Variants in SH3TC1 observed in about 807,000 individuals in gnomAD.
The protein encoded by SH3TC1 is SH3 domain and tetratricopeptide repeat-containing protein 1.
SH3TC1 carries 135 observed loss-of-function variants against 117.3 expected under a neutral mutation model. The ratio of observed to expected loss-of-function variants is 1.15; its 90% CI spans 1.00 to 1.33. The LOEUF is 1.33. Ranked by LOEUF, SH3TC1 falls within the 40% of genes most tolerant of loss-of-function variation. SH3TC1 has a pLI of 0.00. For synonymous variants in SH3TC1, 898 were observed against 816.9 expected (o/e 1.10, Z -1.69); for missense variants, 2,092 against 1,794.3 (o/e 1.17, Z -3.00).
chr4:8,204,155 C>G (rs1369510652), intron 1 of SH3TC1, among the ~76,000 whole-genome samples: 2 of 152,214 alleles, frequency 1.3e-5, no homozygotes, highest in Admixed American at 1.3e-4. Flanking sequence ...CATGCCCTGC[C>G]TGCAGAGGGG....
chr4:8,207,764 A>G (rs1357363437), intron 2 of SH3TC1, among the ~76,000 whole-genome samples: 1 of 152,208 alleles, frequency 6.6e-6, no homozygotes, highest in Non-Finnish European at 1.5e-5. Context: ...TTTCTGGGAC[A>G]TGAGATATTC....
chr4:8,234,085 T>A (rs1245368327), intron 14 of SH3TC1, among the ~76,000 whole-genome samples: 3 of 151,002 alleles, frequency 2.0e-5, no homozygotes, highest in Non-Finnish European at 1.5e-5. Flanking sequence ...TATTCATCCA[T>A]CATTCCATCA....
chr4:8,238,780 T>C (rs1462074845), intron 17 of SH3TC1, among the ~76,000 whole-genome samples: 1 of 152,128 alleles, frequency 6.6e-6, no homozygotes, highest in African/African-American at 2.4e-5. Flanking sequence ...TTATCTCTCT[T>C]AGTCATGCCT....
chr4:8,218,532 G>C (rs551774383), intron 8 of SH3TC1, among the ~76,000 whole-genome samples, 185 bp downstream of exon 8: 1 of 152,190 alleles, frequency 6.6e-6, no homozygotes, highest in Non-Finnish European at 1.5e-5. Flanking sequence ...TGTACCAACC[G>C]AGTCTTCTCC....
chr4:8,227,320 C>A lies in SH3TC1; in HGVS notation c.1626C>A (p.Arg542=), dbSNP rs1366693246. Residue 542 remains arginine (R), a synonymous_variant, in exon 12 of 18, where the codon CGC becomes CGA. Transcript: ENST00000245105. ...SFSDEEELTG[R]LAQARGAAKK... Reference sequence around the variant, plus strand: ...GCGACGAGGAGGAGCTGACTGGGCGCCTGGCACAGGCCCGGGGGGCGGCCA... The same window carrying A: ...GCGACGAGGAGGAGCTGACTGGGCGACTGGCACAGGCCCGGGGGGCGGCCA... The A allele has an allele frequency of 6.2e-6, 10 of 1,610,064 alleles. No individual in the cohort carries two copies. The highest frequency in any genetic ancestry group is 7.6e-6 in the Non-Finnish European group (9 of 1,178,900).
chr4:8,217,698 C>T (rs781409359), intron 7 of SH3TC1, among the ~76,000 whole-genome samples: 3 of 152,214 alleles, frequency 2.0e-5, no homozygotes, highest in Non-Finnish European at 2.9e-5. Flanking sequence ...ATTACTGAGA[C>T]CCAAGAGGAG....
chr4:8,218,352 G>A lies in SH3TC1; in HGVS notation c.916+5G>A, dbSNP rs777207892. 1.6e-5 allele frequency: 26 copies of A among 1,604,982 alleles called. No homozygotes were observed. The Admixed American group carries it at 2.0e-4, about 12-fold the overall frequency. On this transcript the variant is annotated splice_donor_5th_base_variant and intron_variant, in intron 8 of 17. Coordinates refer to ENST00000245105, the MANE Select transcript of SH3TC1 (RefSeq NM_018986.5). Reference sequence around the variant, plus strand: ...TGCCCGGCAACCCGCTGATGGGTAAGTGTTTCCATGGGCCTCTCTTTTTTG... The same window carrying A: ...TGCCCGGCAACCCGCTGATGGGTAAATGTTTCCATGGGCCTCTCTTTTTTG...
intron 4 of SH3TC1, 48 bp from the exon 5 acceptor site, chr4:8,214,426 GC>G: frequency 6.5e-7 from 1 of 1,540,192 alleles, no homozygotes. Context: ...CCTGACAGAT[GC>G]CCCAGAGCTC....
intron 13 of SH3TC1, 34 bp downstream of exon 13, chr4:8,232,190 G>A: frequency 1.4e-5 from 5 of 369,564 alleles, no homozygotes; most frequent in African/African-American, 4.6e-5. Flanking sequence ...GGGGGCGGGG[G>A]GAGGGGGCAA....
chr4:8,234,019 ATCATCCATCCATCCATTCATCCATCAT>A (rs1473094567), intron 14 of SH3TC1, among the ~76,000 whole-genome samples: 1 of 120,606 alleles, frequency 8.3e-6, no homozygotes, highest in East Asian at 2.5e-4. Context: ...TTATCCATCC[ATCATCCATCCATCCATTCATCCATCAT>A]TCATCCATCC....
rs115879071 is a variant in SH3TC1, at chr4:8,218,106, C to G, written c.840-165C>G. ...CGCACGGGGCCTGAAGGCCACACAC[C>G]TGGGCAGGCATGTGTGTGTGTGTGT... On this transcript the variant is annotated intron_variant, in intron 7 of 17. Coordinates refer to ENST00000245105, the MANE Select transcript of SH3TC1 (RefSeq NM_018986.5). The G allele has an allele frequency of 4.0e-3, 2,015 of 500,760 alleles. 15 individuals carry two copies. The highest frequency in any genetic ancestry group is 0.018 in the South Asian group (533 of 29,732). The allele number at this position is 500,760 out of a possible 1,614,324, so 31.0% of individuals were successfully genotyped here.
intron 14 of SH3TC1, among the ~76,000 whole-genome samples, chr4:8,234,458 T>TAC (rs1200231245): frequency 2.7e-5 from 4 of 148,978 alleles, no homozygotes; most frequent in Non-Finnish European, 5.9e-5. Context: ...CACCCATACA[T>TAC]ACACACATCA....
intron 1 of SH3TC1, among the ~76,000 whole-genome samples, chr4:8,200,656 G>A (rs920195111): frequency 2.6e-5 from 4 of 152,220 alleles, no homozygotes; most frequent in African/African-American, 9.6e-5. Context: ...CGGGTGCGCC[G>A]GTTTCCCCTG....
chr4:8,209,585 C>T lies in SH3TC1; in HGVS notation c.173-163C>T. Reference sequence around the variant, plus strand: ...GAAGTGCAGGCAGCTTCCCTCCTTGCTGGGCTCTGGGGAGACTGGAGGAAG... The same window carrying T: ...GAAGTGCAGGCAGCTTCCCTCCTTGTTGGGCTCTGGGGAGACTGGAGGAAG... On this transcript the variant is annotated intron_variant, in intron 2 of 17. Coordinates refer to ENST00000245105, the MANE Select transcript of SH3TC1 (RefSeq NM_018986.5). This position sits in a 1 kb window ranked among gnomAD's most constrained non-coding sequence, Gnocchi z 5.9. 6.6e-7 allele frequency: 1 copy of T among 1,512,324 alleles called. No individual in the cohort carries two copies. The highest frequency in any genetic ancestry group is 8.9e-7 in the Non-Finnish European group (1 of 1,126,216). The allele number at this position is 1,512,324 out of a possible 1,614,324, so 93.7% of individuals were successfully genotyped here. A position where few individuals can be genotyped will look rare whatever the true frequency, so the allele number is the denominator to read the frequency against.
At chr4:8,234,338 CTG>C (rs1721598114) in intron 14 of SH3TC1, among the ~76,000 whole-genome samples, 2 of 151,718 alleles carry the variant, frequency 1.3e-5, no homozygotes, top group African/African-American at 2.4e-5. Context: ...CTCCATTCGT[CTG>C]TCTGTCCATT....
At chr4:8,204,289 C>T (rs565578273) in intron 1 of SH3TC1, among the ~76,000 whole-genome samples, 9 of 152,238 alleles carry the variant, frequency 5.9e-5, no homozygotes, top group South Asian at 2.1e-4. Context: ...GCAGGAGCTG[C>T]GGGGCACGCT....
intron 1 of SH3TC1, among the ~76,000 whole-genome samples, chr4:8,194,069 T>G (rs1006273295): frequency 6.6e-6 from 1 of 152,204 alleles, no homozygotes; most frequent in African/African-American, 2.4e-5. Flanking sequence ...TGGCTTGAGT[T>G]GCAGCCTGGG....
At chr4:8,219,111 C>G (rs1271855318) in intron 8 of SH3TC1, among the ~76,000 whole-genome samples, 2 of 152,234 alleles carry the variant, frequency 1.3e-5, no homozygotes, top group African/African-American at 4.8e-5. Flanking sequence ...ATCAACATCT[C>G]TGAGCCTCCA....
chr4:8,221,353 T>C (rs1225275445), intron 9 of SH3TC1, among the ~76,000 whole-genome samples: 1 of 152,340 alleles, frequency 6.6e-6, no homozygotes, highest in East Asian at 1.9e-4. Flanking sequence ...TTCTGACTTC[T>C]CTCATTCACT....
Sources: allele counts gnomAD v4.1 joint callset (sites outside exome capture counted in the v4.1 genomes callset), GRCh38; gene constraint gnomAD v4.1.1; non-coding constraint Gnocchi (gnomAD v3.1); transcripts MANE v1.5; gene names NCBI Gene and HGNC (gene_info 2026-07-23, HGNC 2026-07-21).